VPS39: variants seen among roughly 807,000 people sequenced by gnomAD.
The protein encoded by VPS39 is vam6/Vps39-like protein.
In VPS39, 70 loss-of-function variants were observed where a neutral mutation model predicts 121.0. The ratio of observed to expected loss-of-function variants is 0.58; its 90% CI spans 0.48 to 0.71. The LOEUF is 0.71. VPS39 is among the 30% of genes least tolerant of loss of function. VPS39 has a pLI of 0.00. For missense variants in VPS39, 818 were observed against 1,051.5 expected, an observed-to-expected ratio of 0.78 and a Z score of 3.07; for synonymous variants, 378 against 398.1, an observed-to-expected ratio of 0.95 and a Z score of 0.60.
chr15:42,161,045 A>T, intron 24 of VPS39: 1 of 567,454 alleles, frequency 1.8e-6, no homozygotes. Flanking sequence ...CACAGTTAAG[A>T]GTGCATGGGG....
At chr15:42,182,660 G>A (rs369074023) in intron 8 of VPS39, among the ~76,000 whole-genome samples, 2 of 152,230 alleles carry the variant, frequency 1.3e-5, no homozygotes, top group South Asian at 2.1e-4. Context: ...CGTGTGACAA[G>A]TTGCTGTGAC....
chr15:42,197,475 C>T (rs1214177244), intron 2 of VPS39, among the ~76,000 whole-genome samples: 1 of 151,740 alleles, frequency 6.6e-6, no homozygotes, highest in African/African-American at 2.4e-5. Context: ...ATGGCTTGAA[C>T]CCAGGAGGTT....
intron 1 of VPS39, among the ~76,000 whole-genome samples, chr15:42,202,890 G>A (rs2050095821): frequency 6.6e-6 from 1 of 152,004 alleles, no homozygotes; most frequent in Non-Finnish European, 1.5e-5. Context: ...TGTCACACTG[G>A]GGCTTAAAAA....
At chr15:42,176,892 G>C (rs1270465121) in intron 10 of VPS39, among the ~76,000 whole-genome samples, 1 of 152,094 alleles carries the variant, frequency 6.6e-6, no homozygotes, top group African/African-American at 2.4e-5. Flanking sequence ...GCTGGGCATA[G>C]TAGTTCACAT....
rs190513499 is a variant in VPS39, at chr15:42,193,261, T to C, written c.140-1701A>G. 2.8e-3 allele frequency among the ~76,000 whole-genome samples: 427 copies of C among 152,300 alleles called. 3 individuals are homozygous for C. The highest frequency in any genetic ancestry group is 8.9e-3 in the African/African-American group (369 of 41,570). Reference sequence around the variant, plus strand: ...TTAAAAACATATATGTATTTAAAAATAACAATAATAACCCCATAAGTAAGA... The same window carrying C: ...TTAAAAACATATATGTATTTAAAAACAACAATAATAACCCCATAAGTAAGA... On this transcript the variant is annotated intron_variant, in intron 2 of 24. Transcript: ENST00000318006.
At chr15:42,181,109 A>G (rs576822309) in intron 8 of VPS39, among the ~76,000 whole-genome samples, 1 of 152,340 alleles carries the variant, frequency 6.6e-6, no homozygotes, top group South Asian at 2.1e-4. Context: ...CCAATGGTGA[A>G]AGTAACCCAA....
chr15:42,161,384 G>T, intron 24 of VPS39: 1 of 467,170 alleles, frequency 2.1e-6, no homozygotes, highest in Non-Finnish European at 3.9e-6. Context: ...AGAACTTTCT[G>T]CAGACCTACA....
chr15:42,164,219 C>T, intron 19 of VPS39, 139 bp downstream of exon 19: 2 of 1,316,772 alleles, frequency 1.5e-6, no homozygotes, highest in Non-Finnish European at 2.1e-6. Context: ...TCAGAGAGGA[C>T]AAAACAGGAG....
chr15:42,183,146 G>A (rs540751431), intron 8 of VPS39, among the ~76,000 whole-genome samples: 138 of 149,310 alleles, frequency 9.2e-4, no homozygotes, highest in Non-Finnish European at 1.6e-3. Flanking sequence ...TGTCACCCAC[G>A]CTGGAGTGCA....
At position 42,166,570 on chromosome 15, in the gene VPS39, C is replaced by T; in HGVS notation, c.1599G>A (p.Gln533=). 1 of 1,614,242 alleles carries T rather than the reference C, an allele frequency of 6.2e-7. No individual in the cohort carries two copies. Among genetic ancestry groups the T allele is most frequent in the Non-Finnish European group, 8.5e-7 (1 of 1,180,040 alleles). Residue 533 remains glutamine (Q), a synonymous_variant, in exon 15 of 25, where the codon CAG becomes CAA. Transcript: ENST00000318006. ...KGHERTVQYL[Q]HLGTENLHLI... is the part of the protein sequence containing the mutation. ...TTCAAAAGGCGGACTTACCCAGATG[C>T]TGCAGATACTGCACTGTCCTCTCGT...
chr15:42,191,238 C>A (rs1043473548), intron 3 of VPS39, 71 bp from the exon 4 acceptor site: 3 of 1,571,890 alleles, frequency 1.9e-6, no homozygotes, highest in Admixed American at 1.7e-5. Context: ...CATTCAATAA[C>A]AGTAATAAAA....
rs2049093939 is a variant in VPS39, at chr15:42,159,764, G to A, written c.*990C>T. ...GGCCAGGGCAGGCTGTAAGGCAAGT[G>A]AATGGAAACTGGCTGGAAAAAGAGA... On this transcript the variant is annotated 3_prime_UTR_variant, in exon 25 of 25. Transcript: ENST00000318006. The A allele has an allele frequency of 6.6e-6, 1 of 152,538 alleles. No individual in the cohort carries two copies. Among genetic ancestry groups the A allele is most frequent in the Non-Finnish European group, 1.5e-5 (1 of 68,262 alleles). 9.4% of individuals were successfully genotyped at this position (152,538 alleles called of 1,614,324 possible). A position where few individuals can be genotyped will look rare whatever the true frequency, so the allele number is the denominator to read the frequency against.
At chr15:42,191,653 T>C (rs2140878387) in intron 2 of VPS39, 93 bp from the exon 3 acceptor site, 1 of 1,092,664 alleles carries the variant, frequency 9.2e-7, no homozygotes, top group Non-Finnish European at 1.3e-6. Context: ...TGCTCTCCTA[T>C]ATAAATCTTT....
intron 1 of VPS39, among the ~76,000 whole-genome samples, chr15:42,206,558 G>C (rs2050175951): frequency 6.6e-6 from 1 of 152,202 alleles, no homozygotes; most frequent in African/African-American, 2.4e-5. Context: ...TGGTCCAACA[G>C]GAGATCAGAG....
intron 7 of VPS39, among the ~76,000 whole-genome samples, chr15:42,186,787 AT>A (rs1342873924): frequency 6.6e-6 from 1 of 152,176 alleles, no homozygotes; most frequent in Non-Finnish European, 1.5e-5. Flanking sequence ...CCTTATCTAT[AT>A]TTTCTGTAAT....
At chr15:42,161,814 G>A in intron 23 of VPS39, 41 bp from the exon 24 acceptor site, 1 of 1,609,554 alleles carries the variant, frequency 6.2e-7, no homozygotes, top group Non-Finnish European at 8.5e-7. Flanking sequence ...TCTACAGTGT[G>A]GCACCCAGAA....
chr15:42,182,324 C>A (rs897933673), intron 8 of VPS39, among the ~76,000 whole-genome samples: 1 of 152,084 alleles, frequency 6.6e-6, no homozygotes, highest in Non-Finnish European at 1.5e-5. Context: ...ATTTCTTTCT[C>A]CTTTTAAAAT....
intron 11 of VPS39, among the ~76,000 whole-genome samples, chr15:42,171,683 C>T (rs2049350393): frequency 6.6e-6 from 1 of 152,220 alleles, no homozygotes; most frequent in South Asian, 2.1e-4. Flanking sequence ...GTGCAACCAT[C>T]ACACCATCCA....
At chr15:42,174,270 A>T (rs1019637763) in intron 10 of VPS39, among the ~76,000 whole-genome samples, 2 of 152,224 alleles carry the variant, frequency 1.3e-5, no homozygotes, top group East Asian at 1.9e-4. Context: ...AAAATAAAAC[A>T]AAGTGTACAA....
Sources: allele counts gnomAD v4.1 joint callset (sites outside exome capture counted in the v4.1 genomes callset), GRCh38; gene constraint gnomAD v4.1.1; transcripts MANE v1.5; gene names NCBI Gene and HGNC (gene_info 2026-07-23, HGNC 2026-07-21).